Variants in RBM25 observed in about 807,000 individuals in gnomAD.
RBM25 encodes the protein RNA binding motif protein 25, also known as RNA-binding protein 25.
Under a neutral mutation model 120.7 loss-of-function variants are expected in RBM25, and 19 were observed. The observed-to-expected ratio is 0.16, with a 90% confidence interval of 0.11 to 0.23. RBM25 has a LOEUF of 0.23. Among genes scored for constraint, RBM25 ranks in the 10% least tolerant of loss-of-function variants. RBM25 has a pLI of 1.00. For missense variants in RBM25, 605 were observed against 1,041.5 expected, an observed-to-expected ratio of 0.58 and a Z score of 5.77; for synonymous variants, 390 against 326.7, an observed-to-expected ratio of 1.19 and a Z score of -2.09.
At chr14:73,075,006 T>A (rs1478511531) in intron 2 of RBM25, among the ~76,000 whole-genome samples, 8 of 150,168 alleles carry the variant, frequency 5.3e-5, no homozygotes, top group Admixed American at 1.3e-4. Flanking sequence ...TTTTTTTTTT[T>A]AAATAAAGAA....
intron 17 of RBM25, among the ~76,000 whole-genome samples, chr14:73,112,869 T>C (rs1447829825): frequency 6.6e-6 from 1 of 152,158 alleles, no homozygotes; most frequent in East Asian, 1.9e-4. Flanking sequence ...AGTGGCGCAA[T>C]CATGGCTCAC....
intron 12 of RBM25, 36 bp downstream of exon 12, chr14:73,106,321 T>G: frequency 1.3e-6 from 2 of 1,514,696 alleles, no homozygotes; most frequent in Non-Finnish European, 1.8e-6. Flanking sequence ...ATTTTTCAGG[T>G]AAAAAGTCAG....
intron 1 of RBM25, chr14:73,070,068 C>T (rs1825603823): frequency 1.3e-5 from 2 of 151,592 alleles, no homozygotes; most frequent in Non-Finnish European, 2.9e-5. Context: ...TAAATGTGTT[C>T]TTTTTTTTCT....
intron 18 of RBM25, among the ~76,000 whole-genome samples, chr14:73,117,420 C>T (rs1412987931): frequency 1.3e-5 from 2 of 151,438 alleles, no homozygotes; most frequent in South Asian, 2.1e-4. Context: ...TTAGTATTGA[C>T]GGGTTTCACC....
chr14:73,096,122 C>G (rs746060590), intron 6 of RBM25, among the ~76,000 whole-genome samples: 1 of 152,132 alleles, frequency 6.6e-6, no homozygotes, highest in African/African-American at 2.4e-5. Context: ...GAATTATAGG[C>G]ATGCACCACC....
chr14:73,080,939 C>T (rs1895547765), intron 4 of RBM25, among the ~76,000 whole-genome samples: 1 of 150,546 alleles, frequency 6.6e-6, no homozygotes, highest in African/African-American at 2.5e-5. Flanking sequence ...ATTCTCCTGC[C>T]TTAGCCTCCC....
intron 4 of RBM25, among the ~76,000 whole-genome samples, chr14:73,078,975 G>T (rs1895491823): frequency 6.6e-6 from 1 of 152,146 alleles, no homozygotes. Flanking sequence ...ATCCAATGAT[G>T]ATTGACTGAT....
intron 6 of RBM25, among the ~76,000 whole-genome samples, chr14:73,096,583 G>C (rs1018427189): frequency 6.6e-6 from 1 of 152,146 alleles, no homozygotes; most frequent in Admixed American, 6.5e-5. Flanking sequence ...CTGTTTAAAA[G>C]AGTCGTTACT....
At chr14:73,107,064 C>T (rs1896205826) in intron 12 of RBM25, among the ~76,000 whole-genome samples, 1 of 151,872 alleles carries the variant, frequency 6.6e-6, no homozygotes, top group South Asian at 2.1e-4. Context: ...TGGTCTCAAA[C>T]TCCTGTCCTC....
intron 16 of RBM25, 27 bp from the exon 17 acceptor site, chr14:73,112,121 TTTAA>T (rs767470059): frequency 6.4e-7 from 1 of 1,552,826 alleles, no homozygotes; most frequent in East Asian, 2.3e-5. Context: ...GTTACAATTC[TTTAA>T]TTCAGTAACC....
chr14:73,080,997 G>C (rs1466493095), intron 4 of RBM25, among the ~76,000 whole-genome samples: 1 of 151,522 alleles, frequency 6.6e-6, no homozygotes, highest in East Asian at 1.9e-4. Flanking sequence ...GCTAATTTTT[G>C]TATTTTCAGT....
chr14:73,109,190 C>G lies in RBM25; in HGVS notation c.1542-152C>G, dbSNP rs73301272. ...TACATTTACATGTAGAGAGCACACT[C>G]TGGTGTGTTCCGTAGATACAGAACA... On this transcript the variant is annotated intron_variant, in intron 13 of 18. Coordinates refer to ENST00000261973, the MANE Select transcript of RBM25 (RefSeq NM_021239.3). The G allele has an allele frequency of 1.6e-3, 1,155 of 728,020 alleles. 6 individuals carry two copies. The African/African-American group carries it at 0.017, about 11-fold the overall frequency. The allele number at this position is 728,020 out of a possible 1,614,324, so 45.1% of individuals were successfully genotyped here. A position where few individuals can be genotyped will look rare whatever the true frequency, so the allele number is the denominator to read the frequency against.
At chr14:73,065,390 A>G (rs904051545) in intron 1 of RBM25, among the ~76,000 whole-genome samples, 81 of 150,580 alleles carry the variant, frequency 5.4e-4, no homozygotes, top group Non-Finnish European at 2.9e-4. Flanking sequence ...GGCCTCCCAA[A>G]GTGCTGGGAT....
At chr14:73,079,516 G>A (rs1895509012) in intron 4 of RBM25, among the ~76,000 whole-genome samples, 1 of 150,628 alleles carries the variant, frequency 6.6e-6, no homozygotes, top group African/African-American at 2.4e-5. Flanking sequence ...AGAATCTTGT[G>A]TAGGTTCTCT....
chr14:73,064,948 G>A (rs951348049), intron 1 of RBM25: 1 of 149,694 alleles, frequency 6.7e-6, no homozygotes, highest in Non-Finnish European at 1.5e-5. Flanking sequence ...AGAATATAGA[G>A]TTTTACTTTT....
intron 1 of RBM25, 118 bp from the exon 2 acceptor site, chr14:73,071,509 T>A: frequency 1.4e-6 from 1 of 705,278 alleles, no homozygotes; most frequent in East Asian, 2.8e-5. Context: ...TGCCAATTTC[T>A]TTGGGTAAGA....
At chr14:73,119,424 C>G (rs1232059572) in intron 18 of RBM25, among the ~76,000 whole-genome samples, 2 of 152,082 alleles carry the variant, frequency 1.3e-5, no homozygotes, top group Non-Finnish European at 2.9e-5. Flanking sequence ...CGCTGCCATG[C>G]CCAGCTAGTT....
intron 4 of RBM25, among the ~76,000 whole-genome samples, 194 bp downstream of exon 4, chr14:73,077,730 G>A (rs1486855749): frequency 6.6e-6 from 1 of 152,186 alleles, no homozygotes; most frequent in South Asian, 2.1e-4. Context: ...GATATTTTAT[G>A]TACACATGTG....
At chr14:73,075,947 TTTTTAC>T (rs1341195872) in intron 2 of RBM25, among the ~76,000 whole-genome samples, 1 of 152,076 alleles carries the variant, frequency 6.6e-6, no homozygotes, top group Non-Finnish European at 1.5e-5. Context: ...TGCCCAGCTG[TTTTTAC>T]TTTTAAAGGA....
Sources: allele counts gnomAD v4.1 joint callset (sites outside exome capture counted in the v4.1 genomes callset), GRCh38; gene constraint gnomAD v4.1.1; transcripts MANE v1.5; gene names NCBI Gene and HGNC (gene_info 2026-07-23, HGNC 2026-07-21).